The following CLIC4 variants were observed in gnomAD, a reference collection of about 807,000 sequenced individuals.
CLIC4 encodes chloride intracellular channel protein 4.
Under a neutral mutation model 24.6 loss-of-function variants are expected in CLIC4, and 13 were observed. That is an observed-to-expected ratio of 0.53 (90% CI 0.34 to 0.84). CLIC4 has a LOEUF of 0.84. Among genes scored for constraint, CLIC4 ranks in the 40% least tolerant of loss-of-function variants. CLIC4 has a pLI of 0.01. For synonymous variants in CLIC4, 104 were observed against 111.3 expected (o/e 0.93, Z 0.41); for missense variants, 227 against 301.7 (o/e 0.75, Z 1.83).
At chr1:24,830,173 G>A (rs1179758881) in intron 4 of CLIC4, among the ~76,000 whole-genome samples, 1 of 152,104 alleles carries the variant, frequency 6.6e-6, no homozygotes, top group African/African-American at 2.4e-5. Flanking sequence ...AGTTAAAATA[G>A]TATAGAAATA....
chr1:24,756,168 T>G (rs1326665190), intron 1 of CLIC4, among the ~76,000 whole-genome samples: 1 of 152,044 alleles, frequency 6.6e-6, no homozygotes, highest in African/African-American at 2.4e-5. Context: ...CCTGGCTGAT[T>G]TTTTCTATTT....
intron 4 of CLIC4, among the ~76,000 whole-genome samples, chr1:24,835,583 A>C (rs966704508): frequency 6.6e-6 from 1 of 152,168 alleles, no homozygotes; most frequent in Non-Finnish European, 1.5e-5. Context: ...TAAATAAATA[A>C]ATTTTAAAAA....
chr1:24,836,283 C>A (rs1422290710), intron 4 of CLIC4, among the ~76,000 whole-genome samples: 2 of 152,148 alleles, frequency 1.3e-5, no homozygotes, highest in Non-Finnish European at 2.9e-5. Context: ...TCTTAACTTA[C>A]CCCCTTAGTA....
intron 1 of CLIC4, among the ~76,000 whole-genome samples, chr1:24,786,598 C>G (rs921343747): frequency 6.6e-6 from 1 of 152,036 alleles, no homozygotes; most frequent in Non-Finnish European, 1.5e-5. Flanking sequence ...TTTAATCATT[C>G]GAGTTTAAAA....
rs1200858571 is a variant in CLIC4 at position 24,842,107 on chromosome 1, G to A, written c.*1170G>A. Reference sequence around the variant, plus strand: ...TTTGGGACTAAGTTATAGTTATGGTGAGTGTGTATTTACTGTAGTTTTGCC... The same window carrying A: ...TTTGGGACTAAGTTATAGTTATGGTAAGTGTGTATTTACTGTAGTTTTGCC... On this transcript the variant is annotated 3_prime_UTR_variant, in exon 6 of 6. Coordinates refer to ENST00000374379, the MANE Select transcript of CLIC4 (RefSeq NM_013943.3). 3.3e-5 allele frequency: 5 copies of A among 152,314 alleles called. No homozygotes were observed. Among genetic ancestry groups the A allele is most frequent in the Admixed American group, 1.3e-4 (2 of 15,264 alleles). 9.4% of individuals were successfully genotyped at this position (152,314 alleles called of 1,614,324 possible). A position where few individuals can be genotyped will look rare whatever the true frequency, so the allele number is the denominator to read the frequency against.
intron 3 of CLIC4, among the ~76,000 whole-genome samples, chr1:24,816,194 T>G (rs924996231): frequency 2.6e-5 from 4 of 151,548 alleles, no homozygotes; most frequent in African/African-American, 9.7e-5. Flanking sequence ...CCTGTTAATG[T>G]TGCTATTTTG....
At chr1:24,809,968 A>G (rs1639595248) in intron 2 of CLIC4, among the ~76,000 whole-genome samples, 1 of 152,248 alleles carries the variant, frequency 6.6e-6, no homozygotes. Flanking sequence ...GTTTTCAAAC[A>G]TGCATAAGAA....
At chr1:24,751,453 C>T (rs184813866) in intron 1 of CLIC4, among the ~76,000 whole-genome samples, 177 of 146,696 alleles carry the variant, frequency 1.2e-3, no homozygotes, top group African/African-American at 4.2e-3. Flanking sequence ...GTTGGCCAGG[C>T]TGGTCTTGAA....
intron 1 of CLIC4, among the ~76,000 whole-genome samples, chr1:24,751,486 G>GA (rs1557792861): frequency 6.6e-6 from 1 of 151,828 alleles, no homozygotes; most frequent in East Asian, 1.9e-4. Context: ...TGATCCACCC[G>GA]CTCGGCCTCC....
At chr1:24,781,950 T>A (rs963454188) in intron 1 of CLIC4, among the ~76,000 whole-genome samples, 1 of 152,198 alleles carries the variant, frequency 6.6e-6, no homozygotes, top group Admixed American at 6.5e-5. Flanking sequence ...GCGCCGGGCC[T>A]TGTAGGACCT....
At chr1:24,820,077 A>G (rs1241516826) in intron 3 of CLIC4, among the ~76,000 whole-genome samples, 16 of 42,706 alleles carry the variant, frequency 3.7e-4, no homozygotes, top group East Asian at 2.2e-3. Context: ...GTATATATAT[A>G]TGTATATATA....
intron 2 of CLIC4, among the ~76,000 whole-genome samples, chr1:24,800,653 A>G (rs1405237376): frequency 2.0e-5 from 3 of 152,204 alleles, no homozygotes; most frequent in African/African-American, 7.2e-5. Context: ...AGATTGAGAA[A>G]TCGGATGGTT....
intron 1 of CLIC4, among the ~76,000 whole-genome samples, chr1:24,791,370 C>A (rs1441166475): frequency 6.6e-6 from 1 of 152,100 alleles, no homozygotes; most frequent in Non-Finnish European, 1.5e-5. Context: ...AATTTTGATT[C>A]TATAATTTTG....
intron 1 of CLIC4, among the ~76,000 whole-genome samples, chr1:24,777,440 A>G (rs1445731298): frequency 2.0e-5 from 3 of 152,026 alleles, no homozygotes; most frequent in Non-Finnish European, 4.4e-5. Context: ...GCTACTCGGG[A>G]GGCTGAGGCA....
At chr1:24,753,426 T>C (rs943383473) in intron 1 of CLIC4, among the ~76,000 whole-genome samples, 3 of 152,068 alleles carry the variant, frequency 2.0e-5, no homozygotes, top group Admixed American at 1.3e-4. Flanking sequence ...AAGAGTCAAG[T>C]GGGGCTCACA....
At chr1:24,799,290 C>G (rs1440280649) in intron 2 of CLIC4, among the ~76,000 whole-genome samples, 2 of 150,268 alleles carry the variant, frequency 1.3e-5, no homozygotes, top group South Asian at 2.1e-4. Context: ...GGGAGCGCCT[C>G]TGCCCCGCCT....
At chr1:24,753,053 T>TA (rs1638796488) in intron 1 of CLIC4, among the ~76,000 whole-genome samples, 1 of 152,144 alleles carries the variant, frequency 6.6e-6, no homozygotes, top group Non-Finnish European at 1.5e-5. Flanking sequence ...GTGGGCTCTA[T>TA]TAGTAGGATC....
chr1:24,790,232 C>T (rs1319027389), intron 1 of CLIC4, among the ~76,000 whole-genome samples: 1 of 152,108 alleles, frequency 6.6e-6, no homozygotes, highest in African/African-American at 2.4e-5. Context: ...CCACCACACT[C>T]GGCTGATTTT....
intron 2 of CLIC4, among the ~76,000 whole-genome samples, chr1:24,799,163 C>T (rs542099620): frequency 1.3e-5 from 2 of 150,642 alleles, no homozygotes; most frequent in African/African-American, 4.9e-5. Context: ...AAGTGAGGAG[C>T]GTCTCCGCCT....
Sources: gnomAD v4.1 joint callset for allele counts (sites outside exome capture counted in the v4.1 genomes callset) on GRCh38, gnomAD v4.1.1 for gene constraint, MANE v1.5 for transcripts, NCBI Gene and HGNC (gene_info 2026-07-23, HGNC 2026-07-21) for gene names.